The following FDXR variants were observed in gnomAD, a reference collection of about 807,000 sequenced individuals.
The protein encoded by FDXR is ferredoxin reductase.
In FDXR, 38 loss-of-function variants were observed where a neutral mutation model predicts 58.3. That is an observed-to-expected ratio of 0.65 (90% CI 0.50 to 0.85). The LOEUF is 0.85. Ranked by LOEUF, FDXR falls within the 40% of genes least tolerant of loss-of-function variation. The probability of loss-of-function intolerance (pLI) is 0.00; values close to 1 mark genes in which losing one functional copy is unlikely to be tolerated. For missense variants in FDXR, 624 were observed against 671.0 expected (o/e 0.93, Z 0.77); for synonymous variants, 275 against 273.8 (o/e 1.00, Z -0.04).
At chr17:74,864,699 C>T (rs1289779683) in intron 7 of FDXR, 125 bp downstream of exon 7, 3 of 1,471,574 alleles carry the variant, frequency 2.0e-6, no homozygotes, top group South Asian at 2.4e-5. Flanking sequence ...CCCCCGGGGC[C>T]CTGACTGCTC....
At position 74,866,823 on chromosome 17, in the gene FDXR, C is replaced by A. The variant is rs150715419; in HGVS notation, c.231G>T (p.Leu77=). Residue 77 remains leucine (L), a synonymous_variant, in exon 3 of 12, where the codon CTG becomes CTT. Transcript: ENST00000293195. ...GATCAGGCGCCACACCAAAGCGCAC[C>A]AGGCCAAAGGGCACAGGCTGTTTCT... ...IYEKQPVPFG[L]VRFGVAPDHP... 15 of 1,614,086 alleles carry A rather than the reference C, an allele frequency of 9.3e-6. No homozygotes were observed. The highest frequency in any genetic ancestry group is 1.3e-5 in the Non-Finnish European group (15 of 1,180,046).
rs567091987 is a variant in FDXR at position 74,869,878 on chromosome 17, G to A, written c.177+2158C>T. 2.1e-3 allele frequency: 903 copies of A among 429,894 alleles called. 2 individuals carry two copies. Among genetic ancestry groups the A allele is most frequent in the Non-Finnish European group, 3.4e-3 (696 of 204,952 alleles). The allele number at this position is 429,894 out of a possible 1,614,324, so 26.6% of individuals were successfully genotyped here. A position where few individuals can be genotyped will look rare whatever the true frequency, so the allele number is the denominator to read the frequency against. ...GATGGCCTCACATGGAGCTGCCTTC[G>A]CTCAGATCCCAGTGCCATCCCTGCT... On this transcript the variant is annotated intron_variant, in intron 2 of 11. Transcript: ENST00000293195.
At chr17:74,866,627 T>C in intron 3 of FDXR, 59 bp from the exon 4 acceptor site, 1 of 1,609,884 alleles carries the variant, frequency 6.2e-7, no homozygotes, top group Non-Finnish European at 8.5e-7. Flanking sequence ...AGGGACCAAG[T>C]CTGCACCACC....
rs369527938 is a variant in FDXR at position 74,864,773 on chromosome 17, A to T, written c.717+51T>A. ...TCTGCCCCACCCCAACCCCTTAAGG[A>T]GAGGCCCCCTCCACCTGGAACCCTG... On this transcript the variant is annotated intron_variant, in intron 7 of 11. Transcript: ENST00000293195. 8.7e-6 allele frequency: 14 copies of T among 1,610,954 alleles called. No homozygotes were observed. In the African/African-American group the frequency reaches 1.6e-4, roughly 18 times the overall value.
intron 4 of FDXR, 100 bp from the exon 5 acceptor site, chr17:74,866,344 AG>A: frequency 1.9e-6 from 3 of 1,570,422 alleles, no homozygotes; most frequent in Non-Finnish European, 2.6e-6. Flanking sequence ...CCAGCTTCTC[AG>A]CAGCTTGCAT....
chr17:74,864,119 G>A (rs202160207), intron 9 of FDXR, 29 bp downstream of exon 9: 85 of 1,613,100 alleles, frequency 5.3e-5, no homozygotes, highest in Non-Finnish European at 7.0e-5. Context: ...GCCTGGGAAG[G>A]GGGTGTCTTT....
chr17:74,869,994 G>A (rs773685885), intron 2 of FDXR: 1 of 452,594 alleles, frequency 2.2e-6, no homozygotes, highest in South Asian at 1.6e-5. Context: ...GTTGTCATGA[G>A]GATGCTACGA....
chr17:74,866,302 G>A lies in FDXR; in HGVS notation c.394-58C>T, dbSNP rs953853087. ...CCTTCAGCACCAGCACTGATAGGCC[G>A]GGCAGCCCCCCAGGCTCCCAGCGGC... is the stretch of plus-strand genomic sequence containing the variant. On this transcript the variant is annotated intron_variant, in intron 4 of 11. Transcript: ENST00000293195. The A allele has an allele frequency of 2.3e-5, 36 of 1,573,774 alleles. 1 individual carries two copies. Among genetic ancestry groups the A allele is most frequent in the Admixed American group, 1.2e-4 (7 of 58,650 alleles).
chr17:74,872,002 C>A, intron 2 of FDXR, 34 bp downstream of exon 2: 1 of 1,489,810 alleles, frequency 6.7e-7, no homozygotes, highest in South Asian at 1.3e-5. Flanking sequence ...ACTGGAGCAG[C>A]AGGTGAATGA....
chr17:74,866,489 A>G lies in FDXR; in HGVS notation c.350T>C (p.Val117Ala). 1 of 1,613,708 alleles carries G rather than the reference A, an allele frequency of 6.2e-7. No individual in the cohort carries two copies. Among genetic ancestry groups the G allele is most frequent in the Non-Finnish European group, 8.5e-7 (1 of 1,179,984 alleles). The change falls in exon 4 of 12, where the codon GTG (valine) becomes GCG (alanine). Residue 117 changes from valine (V) to alanine (A), a missense_variant. Transcript: ENST00000293195. ...FWGNVEVGRD[V>A]TVPELQEAYH... is the part of the protein sequence containing the mutation. ...GGCCTCCTGCAGCTCCGGCACCGTC[A>G]CGTCCCTGCCCACCTCCACGTTGCC...
In FDXR at chr17:74,863,107, G is replaced by A. The variant is rs763546584; in HGVS notation, c.1314C>T (p.Tyr438=). 1.3e-5 allele frequency: 21 copies of A among 1,613,164 alleles called. No homozygotes were observed. The highest frequency in any genetic ancestry group is 2.7e-5 in the African/African-American group (2 of 74,946). Residue 438 remains tyrosine (Y), a synonymous_variant, in exon 11 of 12, where the codon TAC becomes TAT. Transcript: ENST00000293195. The part of the protein sequence containing the change: ...GLLPSGPRPG[Y]AAIQALLSSR... ...TGCTGAGCAGGGCCTGGATGGCTGC[G>A]TAGCCAGGCCTGGGGCCAGAGGGGA...
At chr17:74,863,463 G>C (rs2038049527) in intron 10 of FDXR, among the ~76,000 whole-genome samples, 1 of 152,230 alleles carries the variant, frequency 6.6e-6, no homozygotes, top group Non-Finnish European at 1.5e-5. Context: ...TTTCCCTGTA[G>C]ATGAGGGGAT....
intron 5 of FDXR, 45 bp downstream of exon 5, chr17:74,866,086 G>T: frequency 2.1e-6 from 3 of 1,412,728 alleles, no homozygotes; most frequent in African/African-American, 1.4e-5. Flanking sequence ...TCCAAGGGCT[G>T]AGGGGCGGGG....
rs549340921 is a variant in FDXR, at chr17:74,868,234, C to T, written c.178-1358G>A. The T allele has an allele frequency of 5.2e-5, 27 of 520,166 alleles. 1 individual carries two copies. In the Middle Eastern group the frequency reaches 2.0e-3, roughly 39 times the overall value. 32.2% of individuals were successfully genotyped at this position (520,166 alleles called of 1,614,324 possible). ...GCCCCACGATGTTGTACCCACAAAG[C>T]GCTCTGGGCTTGGAGTCAAACAGGT... On this transcript the variant is annotated intron_variant, in intron 2 of 11. Coordinates refer to ENST00000293195, the MANE Select transcript of FDXR (RefSeq NM_024417.5).
At chr17:74,863,304 T>G in intron 10 of FDXR, 58 bp from the exon 11 acceptor site, 4 of 1,492,514 alleles carry the variant, frequency 2.7e-6, no homozygotes, top group Non-Finnish European at 3.6e-6. Context: ...ACCCTGGCCA[T>G]CCTGTGCCCA....
At position 74,864,360 on chromosome 17, in the gene FDXR, T is replaced by C. The variant is rs1174893055; in HGVS notation, c.803-13A>G. ...GGGCGGGGGACCTCTGTCAGCAACG[T>C]AGAATGTCTCCAGGCTGTCCCTGGG... On this transcript the variant is annotated splice_polypyrimidine_tract_variant and intron_variant, in intron 8 of 11. Coordinates refer to ENST00000293195, the MANE Select transcript of FDXR (RefSeq NM_024417.5). 1.3e-6 allele frequency: 2 copies of C among 1,580,366 alleles called. No homozygotes were observed. Among genetic ancestry groups the C allele is most frequent in the Admixed American group, 1.8e-5 (1 of 56,494 alleles).
intron 4 of FDXR, 80 bp from the exon 5 acceptor site, chr17:74,866,324 C>T (rs999074147): frequency 4.3e-5 from 67 of 1,563,972 alleles, no homozygotes; most frequent in East Asian, 1.4e-4. Flanking sequence ...AGGCTCCCAG[C>T]GGCCTCCTTC....
Position 74,864,205 on chromosome 17 carries a change from C to T in FDXR, c.945G>A (p.Leu315=), listed in dbSNP as rs375205803. The stretch of plus-strand genomic sequence containing the variant: ...CTGCCCGCCGCCCATCTGGTGAGGG[C>T]AGCACCTGCTGGGGGCTTCGGAAAA... ...LRFFRSPQQV[L]PSPDGRRAAG... Residue 315 remains leucine, a synonymous_variant, in exon 9 of 12, where the codon CTG becomes CTA. Coordinates refer to ENST00000293195, the MANE Select transcript of FDXR (RefSeq NM_024417.5). 1 of 1,611,922 alleles carries T rather than the reference C, an allele frequency of 6.2e-7. No homozygotes were observed. Among genetic ancestry groups the T allele is most frequent in the Non-Finnish European group, 8.5e-7 (1 of 1,179,338 alleles).
At chr17:74,863,292 C>A in intron 10 of FDXR, 46 bp from the exon 11 acceptor site, 1 of 1,546,564 alleles carries the variant, frequency 6.5e-7, no homozygotes, top group South Asian at 1.2e-5. Flanking sequence ...TGGCTGGATA[C>A]CACCCTGGCC....
Sources: allele counts gnomAD v4.1 joint callset (sites outside exome capture counted in the v4.1 genomes callset), GRCh38; gene constraint gnomAD v4.1.1; transcripts MANE v1.5; gene names NCBI Gene and HGNC (gene_info 2026-07-23, HGNC 2026-07-21).